ACBD4: variants seen among roughly 807,000 people sequenced by gnomAD.
ACBD4 encodes the protein acyl-CoA-binding domain-containing protein 4.
A neutral mutation model predicts 46.0 loss-of-function variants in ACBD4; 41 were observed. The ratio of observed to expected loss-of-function variants is 0.89; its 90% CI spans 0.69 to 1.16. The LOEUF is 1.16. Ranked by LOEUF, ACBD4 falls within the 50% of genes most tolerant of loss-of-function variation. ACBD4 has a pLI of 0.00. For missense variants in ACBD4, 393 were observed against 399.5 expected (o/e 0.98, Z 0.14); for synonymous variants, 162 against 155.9 (o/e 1.04, Z -0.29).
At chr17:45,141,667 G>T (rs372378945) in intron 9 of ACBD4, among the ~76,000 whole-genome samples, 6 of 152,054 alleles carry the variant, frequency 3.9e-5, no homozygotes, top group Admixed American at 2.6e-4. Context: ...TCAAAAAAAC[G>T]CAAAGCACAA....
intron 8 of ACBD4, chr17:45,138,245 G>A (rs1244609053): frequency 1.7e-6 from 1 of 574,114 alleles, no homozygotes; most frequent in Non-Finnish European, 3.1e-6. Context: ...CCAGCGGGAT[G>A]GGAGTCCTAG....
upstream of ACBD4, among the ~76,000 whole-genome samples, chr17:45,134,305 G>C (rs2054648414): frequency 6.6e-6 from 1 of 151,874 alleles, no homozygotes; most frequent in African/African-American, 2.4e-5. Context: ...TTCCCGCCCA[G>C]TTATTTTGAA....
Position 45,136,626 on chromosome 17 carries a change from C to T in ACBD4, c.209+6C>T, listed in dbSNP as rs373383277. On this transcript the variant is annotated splice_donor_region_variant and intron_variant, in intron 3 of 9. Transcript: ENST00000321854. ...CCCATTGGACGATATAAGTGGTGAG[C>T]TCCCTGCTGGCTGGGCAGACAAGCC... 60 of 1,613,864 alleles carry T rather than the reference C, an allele frequency of 3.7e-5. No homozygotes were observed. The African/African-American group carries it at 6.9e-4, about 19-fold the overall frequency.
intron 9 of ACBD4, among the ~76,000 whole-genome samples, chr17:45,141,822 A>G (rs2055290860): frequency 6.6e-6 from 1 of 152,126 alleles, no homozygotes; most frequent in Non-Finnish European, 1.5e-5. Flanking sequence ...ACCATTGTAA[A>G]GTCATGTTTT....
At chr17:45,143,358 A>G (rs2055412393) in intron 9 of ACBD4, 85 bp from the exon 10 acceptor site, 12 of 1,204,388 alleles carry the variant, frequency 1.0e-5, no homozygotes, top group South Asian at 3.2e-5. Context: ...GGTCTTTCCA[A>G]TCTTCCACTG....
At chr17:45,132,424 G>GCCGGGGCCGGGC, upstream of ACBD4, 3 of 1,202,948 alleles carry the variant, frequency 2.5e-6, no homozygotes, top group Non-Finnish European at 3.1e-6. This position sits in a 1 kb window ranked among gnomAD's most constrained non-coding sequence, Gnocchi z 4.6. Context: ...TTGGCGGGGG[G>GCCGGGGCCGGGC]CCGGGGCCGG....
intron 8 of ACBD4, 94 bp downstream of exon 8, chr17:45,138,082 G>T: frequency 2.3e-6 from 3 of 1,284,970 alleles, no homozygotes; most frequent in Non-Finnish European, 3.3e-6. Flanking sequence ...GGGCAGAGTT[G>T]AAAGTCCATT....
intron 2 of ACBD4, 71 bp downstream of exon 2, chr17:45,136,303 G>A: frequency 6.3e-7 from 1 of 1,590,502 alleles, no homozygotes; most frequent in Non-Finnish European, 8.6e-7. Context: ...AGAAAGAATG[G>A]TCCTGATCAC....
upstream of ACBD4, among the ~76,000 whole-genome samples, chr17:45,134,035 G>C (rs1434821029): frequency 1.3e-5 from 2 of 152,198 alleles, no homozygotes; most frequent in Non-Finnish European, 1.5e-5. Flanking sequence ...TTTGATACAG[G>C]TATAAAATGT....
At position 45,144,111 on chromosome 17, in the gene ACBD4, C is replaced by T. The variant is rs2055454147; in HGVS notation, c.*540C>T. On this transcript the variant is annotated 3_prime_UTR_variant, in exon 10 of 10. Transcript: ENST00000321854. ...CCGGCCCCCTCCGCCCCCACACACA[C>T]TCGGGACGTCTTCATTGAAGATTCA... 1 of 155,758 alleles carries T rather than the reference C, an allele frequency of 6.4e-6. No homozygotes were observed. The highest frequency in any genetic ancestry group is 6.4e-5 in the Admixed American group (1 of 15,508). 9.6% of individuals were successfully genotyped at this position (155,758 alleles called of 1,614,324 possible).
chr17:45,137,151 A>G lies in ACBD4; in HGVS notation c.415+12A>G. ...GAGAAGGGTCACAGGTCAGACTCCC[A>G]GGCTGGGAGCTCCAAAAGTGCTGAG... is the stretch of plus-strand genomic sequence containing the variant. On this transcript the variant is annotated intron_variant, in intron 5 of 9. Transcript: ENST00000321854. 1 of 1,613,974 alleles carries G rather than the reference A, an allele frequency of 6.2e-7. No individual in the cohort carries two copies. Among genetic ancestry groups the G allele is most frequent in the South Asian group, 1.1e-5 (1 of 91,090 alleles).
intron 5 of ACBD4, 114 bp from the exon 6 acceptor site, chr17:45,137,254 C>T (rs2054914679): frequency 1.3e-6 from 2 of 1,596,944 alleles, no homozygotes; most frequent in East Asian, 2.2e-5. Context: ...GCCCCCAAGC[C>T]CCCGAGAGGT....
upstream of ACBD4, among the ~76,000 whole-genome samples, chr17:45,135,177 G>A (rs1459015092): frequency 1.3e-5 from 2 of 152,144 alleles, no homozygotes; most frequent in African/African-American, 2.4e-5. Context: ...TGTTGGCCCG[G>A]CTGGTCTCGA....
In ACBD4 at chr17:45,137,927, G is replaced by A. The variant is rs1320246315; in HGVS notation, c.588G>A (p.Gln196=). 6.2e-7 allele frequency: 1 copy of A among 1,613,782 alleles called. No homozygotes were observed. Among genetic ancestry groups the A allele is most frequent in the Non-Finnish European group, 8.5e-7 (1 of 1,180,000 alleles). ...QLEPELVWTE[Q]RAASGGKRDP... ...CATCTCAGCAGGTTTGGACAGAGCA[G>A]CGGGCAGCATCTGGAGGAAAGCGTG... Residue 196 remains glutamine (Q), a synonymous_variant, in exon 8 of 10, where the codon CAG becomes CAA. Coordinates refer to ENST00000321854, the MANE Select transcript of ACBD4 (RefSeq NM_001135705.3).
rs2055454920 is a variant in ACBD4 at position 45,144,118 on chromosome 17, C to G, written c.*547C>G. 1 of 154,946 alleles carries G rather than the reference C, an allele frequency of 6.5e-6. No homozygotes were observed. The highest frequency in any genetic ancestry group is 1.4e-5 in the Non-Finnish European group (1 of 69,890). 9.6% of individuals were successfully genotyped at this position (154,946 alleles called of 1,614,324 possible). ...CCTCCGCCCCCACACACACTCGGGACGTCTTCATTGAAGATTCACTTACAA... is the reference window on the plus strand; with the variant it reads ...CCTCCGCCCCCACACACACTCGGGAGGTCTTCATTGAAGATTCACTTACAA... On this transcript the variant is annotated 3_prime_UTR_variant, in exon 10 of 10. Coordinates refer to ENST00000321854, the MANE Select transcript of ACBD4 (RefSeq NM_001135705.3).
rs371250075 is a variant in ACBD4 at position 45,137,877 on chromosome 17, C to T, written c.574-36C>T. ...CCCTTTTCCCACCCCACTGTGCTCCCACTCCCACCCTCAGCTCTCTGACTC... is the reference window on the plus strand; with the variant it reads ...CCCTTTTCCCACCCCACTGTGCTCCTACTCCCACCCTCAGCTCTCTGACTC... On this transcript the variant is annotated intron_variant, in intron 7 of 9. Coordinates refer to ENST00000321854, the MANE Select transcript of ACBD4 (RefSeq NM_001135705.3). 10 of 1,613,606 alleles carry T rather than the reference C, an allele frequency of 6.2e-6. No homozygotes were observed. In the East Asian group the frequency reaches 2.0e-4, roughly 32 times the overall value.
chr17:45,141,641 A>G (rs2143921375), intron 9 of ACBD4, among the ~76,000 whole-genome samples: 1 of 152,346 alleles, frequency 6.6e-6, no homozygotes, highest in South Asian at 2.1e-4. Flanking sequence ...CTTGGGTGAC[A>G]GAGTGAGACC....
Position 45,139,128 on chromosome 17 carries a change from A to G in ACBD4, c.757A>G (p.Ser253Gly). Residue 253 changes from serine (S) to glycine (G), a missense_variant, in exon 9 of 10, where the codon AGC (serine) becomes GGC (glycine). Coordinates refer to ENST00000321854, the MANE Select transcript of ACBD4 (RefSeq NM_001135705.3). ...SMQEVQARVQ[S>G]LESMPRPPEQ... ...GCAGGAGGTGCAGGCGAGGGTGCAG[A>G]GCCTGGAGAGCATGCCCCGGCCCCC... 1 of 1,613,732 alleles carries G rather than the reference A, an allele frequency of 6.2e-7. No individual in the cohort carries two copies. Among genetic ancestry groups the G allele is most frequent in the African/African-American group, 1.3e-5 (1 of 75,036 alleles).
At chr17:45,138,217 T>G in intron 8 of ACBD4, 1 of 593,906 alleles carries the variant, frequency 1.7e-6, no homozygotes, top group Middle Eastern at 4.5e-4. Context: ...CTGCACCCTC[T>G]GCAGGTCCTG....
Sources: gnomAD v4.1 joint callset for allele counts (sites outside exome capture counted in the v4.1 genomes callset) on GRCh38, gnomAD v4.1.1 for gene constraint, Gnocchi (gnomAD v3.1) non-coding constraint, MANE v1.5 for transcripts, NCBI Gene and HGNC (gene_info 2026-07-23, HGNC 2026-07-21) for gene names.